BCKDHB: variants seen among roughly 807,000 people sequenced by gnomAD.
BCKDHB encodes 2-oxoisovalerate dehydrogenase subunit beta, mitochondrial.
In BCKDHB, 41 loss-of-function variants were observed where a neutral mutation model predicts 48.5. The observed-to-expected ratio is 0.85, with a 90% CI of 0.66 to 1.10. The LOEUF (loss-of-function observed/expected upper bound fraction) is 1.10. Ranked by LOEUF, BCKDHB falls within the 50% of genes least tolerant of loss-of-function variation. BCKDHB has a pLI of 0.00. For missense variants in BCKDHB, 496 were observed against 494.2 expected (o/e 1.00, Z -0.03); for synonymous variants, 201 against 174.8 (o/e 1.15, Z -1.18).
At chr6:80,404,019 G>T in the BCKDHB span, among the ~76,000 whole-genome samples, 3 of 151,802 alleles carry the variant, frequency 2.0e-5, no homozygotes, top group Non-Finnish European at 4.4e-5. Flanking sequence ...GCTCATCAGG[G>T]GTATTGGCTT....
At chr6:80,251,732 T>C (rs13197268) in intron 8 of BCKDHB, 1 of 152,204 alleles carries the variant, frequency 6.6e-6, no homozygotes, top group African/African-American at 2.4e-5. Flanking sequence ...TTGTGTATGG[T>C]ATTTGCAGCA....
intron 9 of BCKDHB, among the ~76,000 whole-genome samples, chr6:80,333,886 A>AG (rs2128011688): frequency 6.6e-6 from 1 of 152,256 alleles, no homozygotes; most frequent in South Asian, 2.1e-4. Context: ...CCAGTCACTA[A>AG]CTACCTCTTC....
chr6:80,348,624 A>C (rs192411008), downstream of BCKDHB, among the ~76,000 whole-genome samples: 1 of 152,298 alleles, frequency 6.6e-6, no homozygotes, highest in Admixed American at 6.5e-5. Context: ...CTGCAGTCTA[A>C]AAGACTGTGT....
the BCKDHB span, among the ~76,000 whole-genome samples, chr6:80,369,071 T>G: frequency 6.6e-6 from 1 of 151,632 alleles, no homozygotes; most frequent in Non-Finnish European, 1.5e-5. Flanking sequence ...TTAGACTTAG[T>G]CCCTGTCAAA....
chr6:80,418,607 G>C, the BCKDHB span, among the ~76,000 whole-genome samples: 1 of 152,200 alleles, frequency 6.6e-6, no homozygotes, highest in Non-Finnish European at 1.5e-5. Context: ...CTGTGTTCTT[G>C]TATTGGGCCC....
chr6:80,400,355 A>C, the BCKDHB span, among the ~76,000 whole-genome samples: 1 of 151,954 alleles, frequency 6.6e-6, no homozygotes, highest in African/African-American at 2.4e-5. Context: ...CATCTATGAA[A>C]AACTTAAATT....
chr6:80,160,175 T>C (rs1332696427), intron 3 of BCKDHB, among the ~76,000 whole-genome samples: 1 of 150,352 alleles, frequency 6.7e-6, no homozygotes, highest in Admixed American at 6.6e-5. Context: ...TTTCGTTTTC[T>C]TTTTTTTTTC....
rs144517654 is a variant in BCKDHB, at chr6:80,163,995, G to T, written c.344-3683G>T. ...ATCTCTTACTGGGATTATTGCAGTA[G>T]CAGATAATCAATCTTGCTGTGTCCA... On this transcript the variant is annotated intron_variant, in intron 3 of 9. Coordinates refer to ENST00000320393, the MANE Select transcript of BCKDHB (RefSeq NM_183050.4). Among the ~76,000 whole-genome samples, 263 of 152,278 alleles carry T rather than the reference G, an allele frequency of 1.7e-3. 1 individual carries two copies. Among genetic ancestry groups the T allele is most frequent in the African/African-American group, 6.0e-3 (249 of 41,548 alleles).
chr6:80,330,027 CTT>C (rs1562233999), intron 9 of BCKDHB, among the ~76,000 whole-genome samples: 1 of 151,666 alleles, frequency 6.6e-6, no homozygotes, highest in Non-Finnish European at 1.5e-5. Flanking sequence ...TTTGAGCTGA[CTT>C]TGAAAAGTAG....
intron 6 of BCKDHB, among the ~76,000 whole-genome samples, chr6:80,178,928 G>A (rs921499673): frequency 6.6e-6 from 1 of 152,116 alleles, no homozygotes; most frequent in Non-Finnish European, 1.5e-5. Flanking sequence ...ATTGAATGGA[G>A]GACATAAATG....
At chr6:80,395,717 T>C in the BCKDHB span, among the ~76,000 whole-genome samples, 55 of 152,276 alleles carry the variant, frequency 3.6e-4, 1 homozygote, top group African/African-American at 1.3e-3. Flanking sequence ...GGGGAAAATA[T>C]CTCCTGGGCA....
chr6:80,194,785 G>A (rs1485040602), intron 6 of BCKDHB, among the ~76,000 whole-genome samples: 3 of 152,152 alleles, frequency 2.0e-5, no homozygotes, highest in Non-Finnish European at 4.4e-5. Flanking sequence ...TAGCCTTTGT[G>A]CAGCTAATTA....
chr6:80,167,997 G>C (rs753256444), intron 4 of BCKDHB, among the ~76,000 whole-genome samples, 186 bp downstream of exon 4: 1 of 152,072 alleles, frequency 6.6e-6, no homozygotes, highest in Admixed American at 6.5e-5. Context: ...AGATAGATTG[G>C]GATTGGGTGA....
chr6:80,239,820 T>C (rs630996), intron 8 of BCKDHB, among the ~76,000 whole-genome samples: 131,552 of 151,918 alleles, frequency 0.87, 57,270 homozygotes, highest in East Asian at 0.99. Context: ...TTTCTACGTA[T>C]GGCTAGCCAG....
chr6:80,286,450 T>C (rs1766631379), intron 9 of BCKDHB, among the ~76,000 whole-genome samples: 1 of 152,218 alleles, frequency 6.6e-6, no homozygotes, highest in African/African-American at 2.4e-5. Flanking sequence ...ACACATTTAG[T>C]TAATAATATA....
intron 3 of BCKDHB, among the ~76,000 whole-genome samples, chr6:80,159,430 C>A (rs963734136): frequency 1.3e-5 from 2 of 152,088 alleles, no homozygotes; most frequent in African/African-American, 4.8e-5. Context: ...GTTTGTATCC[C>A]AATACAAGAT....
rs749800624 is a variant in BCKDHB at position 80,190,334 on chromosome 6, A to T, written c.743-10600A>T. Among the ~76,000 whole-genome samples the T allele has an allele frequency of 4.6e-5, 7 of 152,102 alleles. 1 individual carries two copies. Among genetic ancestry groups the T allele is most frequent in the Non-Finnish European group, 8.8e-5 (6 of 68,006 alleles). ...CTTTTTAAAATACACAGTTTTTGCAATTTTTCAAGACTTAGGGAAAGGATC... is the reference window on the plus strand; with the variant it reads ...CTTTTTAAAATACACAGTTTTTGCATTTTTTCAAGACTTAGGGAAAGGATC... On this transcript the variant is annotated intron_variant, in intron 6 of 9. Coordinates refer to ENST00000320393, the MANE Select transcript of BCKDHB (RefSeq NM_183050.4).
At chr6:80,130,790 T>C (rs944807784) in intron 3 of BCKDHB, among the ~76,000 whole-genome samples, 3 of 152,194 alleles carry the variant, frequency 2.0e-5, no homozygotes, top group Non-Finnish European at 4.4e-5. Flanking sequence ...TTCTAGACTG[T>C]ATTTGAATAT....
chr6:80,353,518 T>G, the BCKDHB span, among the ~76,000 whole-genome samples: 3 of 148,564 alleles, frequency 2.0e-5, no homozygotes, highest in African/African-American at 7.5e-5. Context: ...TTCTTTTTTC[T>G]CTTCATTCTC....
Sources: gnomAD v4.1 joint callset for allele counts (sites outside exome capture counted in the v4.1 genomes callset) on GRCh38, gnomAD v4.1.1 for gene constraint, MANE v1.5 for transcripts, NCBI Gene and HGNC (gene_info 2026-07-23, HGNC 2026-07-21) for gene names.